PHLPP1: variants seen among roughly 807,000 people sequenced by gnomAD.
PHLPP1 encodes the protein PH domain leucine-rich repeat-containing protein phosphatase 1.
A neutral mutation model predicts 117.2 loss-of-function variants in PHLPP1; 42 were observed. The observed-to-expected ratio is 0.36, with a 90% CI of 0.28 to 0.46. PHLPP1 has a LOEUF of 0.46. Among genes scored for constraint, PHLPP1 ranks in the 20% least tolerant of loss-of-function variants. The probability of loss-of-function intolerance (pLI) is 1.00; values close to 1 mark genes in which losing one functional copy is unlikely to be tolerated. For synonymous variants in PHLPP1, 1,042 were observed against 970.7 expected (o/e 1.07, Z -1.37); for missense variants, 2,084 against 2,241.9 (o/e 0.93, Z 1.42).
chr18:62,798,087 G>C (rs1344796629), intron 1 of PHLPP1, among the ~76,000 whole-genome samples: 1 of 152,088 alleles, frequency 6.6e-6, no homozygotes, highest in Non-Finnish European at 1.5e-5. Flanking sequence ...TCTCAAACTT[G>C]AGCATGCATC....
intron 10 of PHLPP1, among the ~76,000 whole-genome samples, chr18:62,926,581 G>A (rs778540227): frequency 6.6e-6 from 1 of 152,076 alleles, no homozygotes; most frequent in African/African-American, 2.4e-5. Context: ...AAATGCATTA[G>A]GACAGGGGTT....
At chr18:62,728,247 ATGGTGCCAC>A (rs913101359) in intron 1 of PHLPP1, among the ~76,000 whole-genome samples, 2 of 151,680 alleles carry the variant, frequency 1.3e-5, no homozygotes, top group Non-Finnish European at 2.9e-5. Context: ...GTGAGCCGAG[ATGGTGCCAC>A]TGCACTCCAG....
chr18:62,865,598 A>G (rs1568142936), intron 4 of PHLPP1, among the ~76,000 whole-genome samples: 1 of 152,236 alleles, frequency 6.6e-6, no homozygotes, highest in African/African-American at 2.4e-5. Context: ...GTCTTAGAAC[A>G]GAATGGTGCA....
intron 1 of PHLPP1, among the ~76,000 whole-genome samples, chr18:62,812,836 A>C (rs1307220803): frequency 6.6e-6 from 1 of 152,136 alleles, no homozygotes; most frequent in East Asian, 1.9e-4. Flanking sequence ...GTTGTAGGTA[A>C]CTTCAGAATG....
At chr18:62,801,600 G>A (rs953956376) in intron 1 of PHLPP1, among the ~76,000 whole-genome samples, 1 of 151,740 alleles carries the variant, frequency 6.6e-6, no homozygotes, top group African/African-American at 2.4e-5. Context: ...CTACAGGCAT[G>A]CACCACCATG....
rs764546269 is a variant in PHLPP1, at chr18:62,716,319, C to T, written c.636C>T (p.Ala212=). 16 of 1,530,800 alleles carry T rather than the reference C, an allele frequency of 1.0e-5. No individual in the cohort carries two copies. The highest frequency in any genetic ancestry group is 3.4e-4 in the Middle Eastern group (2 of 5,888). 94.8% of individuals were successfully genotyped at this position (1,530,800 alleles called of 1,614,324 possible). A position where few individuals can be genotyped will look rare whatever the true frequency, so the allele number is the denominator to read the frequency against. The change falls in exon 1 of 17, where the codon GCC becomes GCT. Residue 212 remains alanine (A), a synonymous_variant. Transcript: ENST00000262719. The surrounding 1 kb of genome is among the most constrained non-coding windows in gnomAD (Gnocchi z 5.7). ...GCVHVFDRHM[A]STYLRPVLCT... ...TGCACGTCTTCGACCGCCACATGGCCTCGACCTACCTGCGCCCGGTGCTCT... is the reference window on the plus strand; with the variant it reads ...TGCACGTCTTCGACCGCCACATGGCTTCGACCTACCTGCGCCCGGTGCTCT...
At chr18:62,757,225 A>G (rs924467426) in intron 1 of PHLPP1, among the ~76,000 whole-genome samples, 2 of 152,252 alleles carry the variant, frequency 1.3e-5, no homozygotes, top group African/African-American at 4.8e-5. Flanking sequence ...CTACTGAAAC[A>G]AACAGAAACC....
Position 62,978,398 on chromosome 18 carries a change from A to T in PHLPP1, c.4121A>T (p.Lys1374Met), listed in dbSNP as rs375989817. ...PQDEFFILGSKGLWDSLSVEE... is the reference protein window; with the variant it reads ...PQDEFFILGSMGLWDSLSVEE... ...GATGAGTTCTTCATCCTAGGCAGTAAGGGGTTGTGGGACAGCCTGTCCGTC... is the reference window on the plus strand; with the variant it reads ...GATGAGTTCTTCATCCTAGGCAGTATGGGGTTGTGGGACAGCCTGTCCGTC... Residue 1374 changes from lysine to methionine, a missense_variant, in exon 17 of 17, where the codon AAG becomes ATG. Lys to Met is a moderately conservative substitution (Grantham distance 95). Around this residue, in one of 2 missense-constraint regions of PHLPP1, gnomAD observed 1,365 missense variants for 1,605.9 expected, o/e 0.85. Transcript: ENST00000262719. The surrounding 1 kb of genome is among the most constrained non-coding windows in gnomAD (Gnocchi z 7.0). The T allele has an allele frequency of 5.6e-6, 9 of 1,612,440 alleles. No homozygotes were observed. Among genetic ancestry groups the T allele is most frequent in the Non-Finnish European group, 6.8e-6 (8 of 1,179,374 alleles).
intron 1 of PHLPP1, among the ~76,000 whole-genome samples, chr18:62,805,507 G>A (rs941950666): frequency 7.9e-5 from 12 of 151,954 alleles, no homozygotes; most frequent in African/African-American, 2.4e-4. Context: ...ACAAGCATGC[G>A]CCCCACACCT....
At chr18:62,816,095 T>C (rs1914264973) in intron 1 of PHLPP1, among the ~76,000 whole-genome samples, 1 of 152,244 alleles carries the variant, frequency 6.6e-6, no homozygotes, top group African/African-American at 2.4e-5. Context: ...GTTTCTTCAC[T>C]ATAAATAATA....
At chr18:62,971,139 T>C (rs900747267) in intron 14 of PHLPP1, among the ~76,000 whole-genome samples, 1 of 152,218 alleles carries the variant, frequency 6.6e-6, no homozygotes, top group Non-Finnish European at 1.5e-5. Context: ...CCGCCTTTGT[T>C]CCTGGTTTCT....
rs974725013 is a variant in PHLPP1, at chr18:62,948,981, G to A, written c.3324+3710G>A. 6.6e-5 allele frequency among the ~76,000 whole-genome samples: 10 copies of A among 152,008 alleles called. No homozygotes were observed. The South Asian group carries it at 8.3e-4, about 13-fold the overall frequency. Reference sequence around the variant, plus strand: ...GTGTGCCTATTTTTATGTATTTTATGTAAACTAAGCATATTTTTAATGTAA... The same window carrying A: ...GTGTGCCTATTTTTATGTATTTTATATAAACTAAGCATATTTTTAATGTAA... On this transcript the variant is annotated intron_variant, in intron 12 of 16. Coordinates refer to ENST00000262719, the MANE Select transcript of PHLPP1 (RefSeq NM_194449.4).
chr18:62,835,941 C>T (rs1005632872), intron 2 of PHLPP1, among the ~76,000 whole-genome samples: 23 of 151,146 alleles, frequency 1.5e-4, no homozygotes, highest in Non-Finnish European at 3.1e-4. Context: ...CCACCACGCC[C>T]GACTAATTTT....
chr18:62,767,131 C>T (rs1281657271), intron 1 of PHLPP1, among the ~76,000 whole-genome samples: 1 of 152,044 alleles, frequency 6.6e-6, no homozygotes, highest in Non-Finnish European at 1.5e-5. Context: ...GCATTTAACT[C>T]GGTATCAGGC....
chr18:62,809,983 A>G (rs917285088), intron 1 of PHLPP1, among the ~76,000 whole-genome samples: 2 of 152,214 alleles, frequency 1.3e-5, no homozygotes, highest in African/African-American at 4.8e-5. Context: ...TTGAATATGT[A>G]AGATTGTGAT....
At chr18:62,873,343 T>G (rs892756739) in intron 4 of PHLPP1, among the ~76,000 whole-genome samples, 23 of 152,222 alleles carry the variant, frequency 1.5e-4, no homozygotes, top group African/African-American at 5.5e-4. Flanking sequence ...CCAACCAGTT[T>G]AAGAAAGAAG....
At chr18:62,721,241 T>C (rs532315499) in intron 1 of PHLPP1, among the ~76,000 whole-genome samples, 2 of 152,194 alleles carry the variant, frequency 1.3e-5, no homozygotes, top group African/African-American at 4.8e-5. Context: ...ATGGAAAGAG[T>C]ACTGAAGTGT....
chr18:62,896,899 G>A lies in PHLPP1; in HGVS notation c.2444+888G>A, dbSNP rs192095268. On this transcript the variant is annotated intron_variant, in intron 6 of 16. Transcript: ENST00000262719. ...AATCAGACCTGTCCCTCCTAGGGAA[G>A]TATTAGCAATTTGCAGATATAAAAT... Among the ~76,000 whole-genome samples the A allele has an allele frequency of 7.4e-4, 113 of 152,298 alleles. 1 individual carries two copies. Among genetic ancestry groups the A allele is most frequent in the African/African-American group, 2.2e-3 (91 of 41,566 alleles).
chr18:62,938,994 C>CTTTCTTTTTTTTTTTTTTTTTTTT (rs368316862), intron 10 of PHLPP1, among the ~76,000 whole-genome samples: 1 of 128,678 alleles, frequency 7.8e-6, no homozygotes, highest in Non-Finnish European at 1.6e-5. Flanking sequence ...TTCTTTCTTT[C>CTTTCTTTTTTTTTTTTTTTTTTTT]TTTTTTTTTT....
Sources: gnomAD v4.1 joint callset for allele counts (sites outside exome capture counted in the v4.1 genomes callset) on GRCh38, gnomAD v4.1.1 for gene constraint, gnomAD v4.1.1 regional missense constraint, Gnocchi (gnomAD v3.1) non-coding constraint, MANE v1.5 for transcripts, NCBI Gene and HGNC (gene_info 2026-07-23, HGNC 2026-07-21) for gene names.